Variants in SCHIP1 observed in about 807,000 individuals in gnomAD.
SCHIP1 encodes schwannomin interacting protein 1.
Under a neutral mutation model 29.7 loss-of-function variants are expected in SCHIP1, and 8 were observed. The observed-to-expected ratio is 0.27, with a 90% CI of 0.16 to 0.49. The LOEUF is 0.49. Ranked by LOEUF, SCHIP1 falls within the 20% of genes least tolerant of loss-of-function variation. The pLI is 0.99. For missense variants in SCHIP1, 193 were observed against 294.6 expected (o/e 0.66, Z 2.52); for synonymous variants, 76 against 94.9 (o/e 0.80, Z 1.16).
the SCHIP1 span, among the ~76,000 whole-genome samples, chr3:159,562,048 A>G: frequency 6.6e-6 from 1 of 152,176 alleles, no homozygotes; most frequent in East Asian, 1.9e-4. Flanking sequence ...CTTTCCTTGC[A>G]TTTCCTGAGG....
At chr3:159,578,943 T>A in the SCHIP1 span, among the ~76,000 whole-genome samples, 1 of 152,138 alleles carries the variant, frequency 6.6e-6, no homozygotes, top group African/African-American at 2.4e-5. Context: ...TATTCACAAG[T>A]TTCAGGGATT....
chr3:159,522,720 T>C, the SCHIP1 span, among the ~76,000 whole-genome samples: 6 of 152,074 alleles, frequency 3.9e-5, no homozygotes, highest in South Asian at 8.3e-4. Flanking sequence ...AATACAAAAA[T>C]TAGCCGGGCG....
chr3:159,288,447 T>C, the SCHIP1 span, among the ~76,000 whole-genome samples: 7 of 152,140 alleles, frequency 4.6e-5, no homozygotes, highest in South Asian at 1.5e-3. Flanking sequence ...CTTAGAGGCA[T>C]GTGCACTGAC....
chr3:159,714,608 G>A, the SCHIP1 span, among the ~76,000 whole-genome samples: 1 of 152,246 alleles, frequency 6.6e-6, no homozygotes, highest in South Asian at 2.1e-4. Flanking sequence ...TCCCGTGCCT[G>A]GCTCGGAGGG....
the SCHIP1 span, among the ~76,000 whole-genome samples, chr3:159,742,884 G>C: frequency 7.5e-5 from 8 of 106,256 alleles, no homozygotes; most frequent in African/African-American, 1.9e-4. Context: ...ATGGGGTTTT[G>C]CCATGTTGGC....
At chr3:159,878,072 G>A (rs936767186) in intron 2 of SCHIP1, among the ~76,000 whole-genome samples, 2 of 152,202 alleles carry the variant, frequency 1.3e-5, no homozygotes, top group African/African-American at 4.8e-5. Context: ...ACATGGCTGA[G>A]TCAGACACAC....
the SCHIP1 span, among the ~76,000 whole-genome samples, chr3:159,688,686 G>A: frequency 5.0e-3 from 767 of 152,240 alleles, 9 homozygotes; most frequent in Admixed American, 0.024. Context: ...CCTATGTCCT[G>A]AATGGTATTG....
chr3:159,308,865 C>T, the SCHIP1 span, among the ~76,000 whole-genome samples: 1 of 152,092 alleles, frequency 6.6e-6, no homozygotes, highest in Non-Finnish European at 1.5e-5. Flanking sequence ...TTTGCAGCAA[C>T]ATGAATGGAG....
the SCHIP1 span, among the ~76,000 whole-genome samples, chr3:159,369,678 A>G: frequency 6.6e-6 from 1 of 151,292 alleles, no homozygotes; most frequent in African/African-American, 2.4e-5. Flanking sequence ...TTGGTACATT[A>G]ATAACCACCC....
chr3:159,664,645 G>A, the SCHIP1 span, among the ~76,000 whole-genome samples: 2 of 152,234 alleles, frequency 1.3e-5, no homozygotes, highest in Non-Finnish European at 2.9e-5. Flanking sequence ...ACATCGGAAA[G>A]TGTTGCAGGC....
At chr3:159,284,827 A>T in the SCHIP1 span, among the ~76,000 whole-genome samples, 2 of 151,686 alleles carry the variant, frequency 1.3e-5, no homozygotes, top group Admixed American at 6.6e-5. Context: ...TGTTCCATTT[A>T]TTTTTTCTTC....
chr3:159,354,719 G>A, the SCHIP1 span, among the ~76,000 whole-genome samples: 1 of 152,130 alleles, frequency 6.6e-6, no homozygotes, highest in Non-Finnish European at 1.5e-5. Context: ...ACTACACTAA[G>A]AGAACTAGGA....
chr3:159,443,870 T>G, the SCHIP1 span, among the ~76,000 whole-genome samples: 1,808 of 152,318 alleles, frequency 0.012, 31 homozygotes, highest in Admixed American at 0.025. Flanking sequence ...AGTTCCACTT[T>G]GAAGAATCTG....
At chr3:159,656,556 G>A in the SCHIP1 span, among the ~76,000 whole-genome samples, 1 of 151,704 alleles carries the variant, frequency 6.6e-6, no homozygotes, top group African/African-American at 2.4e-5. Flanking sequence ...GTGTTCTGTA[G>A]ATTACAAATC....
chr3:159,753,793 C>T, the SCHIP1 span, among the ~76,000 whole-genome samples: 1 of 152,204 alleles, frequency 6.6e-6, no homozygotes, highest in Non-Finnish European at 1.5e-5. Flanking sequence ...ACCACTGTTT[C>T]TTACTCCAGC....
chr3:159,362,533 T>C, the SCHIP1 span, among the ~76,000 whole-genome samples: 4 of 152,342 alleles, frequency 2.6e-5, no homozygotes, highest in East Asian at 7.7e-4. Flanking sequence ...AAAGAGCTGC[T>C]TTTTCTCCCT....
chr3:159,438,507 G>T, the SCHIP1 span, among the ~76,000 whole-genome samples: 3 of 152,096 alleles, frequency 2.0e-5, no homozygotes, highest in Non-Finnish European at 4.4e-5. Flanking sequence ...AAGTTCAGGG[G>T]TACATGTGTA....
the SCHIP1 span, among the ~76,000 whole-genome samples, chr3:159,497,477 A>G: frequency 6.6e-6 from 1 of 151,940 alleles, no homozygotes; most frequent in Non-Finnish European, 1.5e-5. Context: ...AACCACCCCC[A>G]AGTATGTATT....
At chr3:159,304,815 T>C in the SCHIP1 span, among the ~76,000 whole-genome samples, 1 of 152,168 alleles carries the variant, frequency 6.6e-6, no homozygotes, top group Non-Finnish European at 1.5e-5. Context: ...CCACATCACT[T>C]CCTGCCTTAG....
Sources: allele counts gnomAD v4.1 joint callset (sites outside exome capture counted in the v4.1 genomes callset), GRCh38; gene constraint gnomAD v4.1.1; transcripts MANE v1.5; gene names NCBI Gene and HGNC (gene_info 2026-07-23, HGNC 2026-07-21).